Variants in GUCY1A2 observed in about 807,000 individuals in gnomAD.
GUCY1A2 encodes the protein guanylate cyclase 1 soluble subunit alpha 2, also known as guanylate cyclase soluble subunit alpha-2.
Under a neutral mutation model 63.5 loss-of-function variants are expected in GUCY1A2, and 27 were observed. The observed-to-expected ratio is 0.43, with a 90% CI of 0.31 to 0.59. GUCY1A2 has a LOEUF of 0.59. GUCY1A2 is among the 20% of genes least tolerant of loss of function. GUCY1A2 has a pLI of 0.11. For synonymous variants in GUCY1A2, 364 were observed against 343.5 expected (o/e 1.06, Z -0.66); for missense variants, 768 against 913.3 (o/e 0.84, Z 2.05).
chr11:106,913,940 T>C (rs1345252099), intron 4 of GUCY1A2, among the ~76,000 whole-genome samples: 2 of 135,744 alleles, frequency 1.5e-5, no homozygotes, highest in East Asian at 4.3e-4. Context: ...ACTGAAAGAG[T>C]GCTAATGTTT....
chr11:106,993,873 A>T (rs958458150), intron 1 of GUCY1A2, among the ~76,000 whole-genome samples: 1 of 152,228 alleles, frequency 6.6e-6, no homozygotes, highest in Non-Finnish European at 1.5e-5. Context: ...TAGGAATACC[A>T]TTTCAAGTGA....
intron 1 of GUCY1A2, among the ~76,000 whole-genome samples, chr11:107,004,722 A>C (rs562490048): frequency 6.6e-6 from 1 of 152,208 alleles, no homozygotes; most frequent in Non-Finnish European, 1.5e-5. Context: ...TGTGAAACAG[A>C]ATGGTTGGTG....
At chr11:107,002,090 T>A (rs905899802) in intron 1 of GUCY1A2, among the ~76,000 whole-genome samples, 2 of 151,592 alleles carry the variant, frequency 1.3e-5, no homozygotes, top group Non-Finnish European at 2.9e-5. Flanking sequence ...TTGCAGTACA[T>A]AAAATAGATA....
intron 6 of GUCY1A2, among the ~76,000 whole-genome samples, chr11:106,735,866 T>C (rs1444765074): frequency 6.6e-6 from 1 of 152,210 alleles, no homozygotes; most frequent in Non-Finnish European, 1.5e-5. Context: ...TTGTTTTGCA[T>C]TTCTCTGATG....
At chr11:107,007,604 A>G (rs759110424) in intron 1 of GUCY1A2, among the ~76,000 whole-genome samples, 3 of 151,952 alleles carry the variant, frequency 2.0e-5, no homozygotes, top group Non-Finnish European at 4.4e-5. Flanking sequence ...ATTATCTCCA[A>G]CCTCAAGTGG....
At chr11:106,854,370 T>C (rs576215005) in intron 4 of GUCY1A2, among the ~76,000 whole-genome samples, 15 of 152,066 alleles carry the variant, frequency 9.9e-5, no homozygotes, top group Non-Finnish European at 1.5e-5. Flanking sequence ...TCTGGGGGCC[T>C]GGGAAGTGCA....
At chr11:106,895,072 TCA>T (rs1860028018) in intron 4 of GUCY1A2, among the ~76,000 whole-genome samples, 1 of 152,062 alleles carries the variant, frequency 6.6e-6, no homozygotes, top group Non-Finnish European at 1.5e-5. Flanking sequence ...CAAGGAGACA[TCA>T]CTATGCATTC....
Position 106,789,957 on chromosome 11 carries a change from G to A in GUCY1A2, c.1693-13375C>T, listed in dbSNP as rs7121500. Among the ~76,000 whole-genome samples the A allele has an allele frequency of 7.8e-3, 1,183 of 152,232 alleles. 14 individuals carry two copies. Among genetic ancestry groups the A allele is most frequent in the African/African-American group, 0.027 (1,102 of 41,530 alleles). ...AGGACAGTGCTGGGTCAGACCTAAAGCCAGTACAACACTGGGTCTTGCTCA... is the reference window on the plus strand; with the variant it reads ...AGGACAGTGCTGGGTCAGACCTAAAACCAGTACAACACTGGGTCTTGCTCA... On this transcript the variant is annotated intron_variant, in intron 5 of 7. Coordinates refer to ENST00000526355, the MANE Select transcript of GUCY1A2 (RefSeq NM_000855.3).
At chr11:106,718,828 A>G (rs1221022393) in intron 6 of GUCY1A2, among the ~76,000 whole-genome samples, 1 of 152,260 alleles carries the variant, frequency 6.6e-6, no homozygotes, top group East Asian at 1.9e-4. Context: ...GACCACTATA[A>G]TGAAGAGTAA....
rs749486798 is a variant in GUCY1A2 at position 106,680,205 on chromosome 11, G to A, written c.*7344C>T. ...TAAATGCCAGGCAGCAGAATGCAAAGAAGTGTCTTCAGAAAGTGAGGTATG... is the reference window on the plus strand; with the variant it reads ...TAAATGCCAGGCAGCAGAATGCAAAAAAGTGTCTTCAGAAAGTGAGGTATG... On this transcript the variant is annotated 3_prime_UTR_variant, in exon 8 of 8. Coordinates refer to ENST00000526355, the MANE Select transcript of GUCY1A2 (RefSeq NM_000855.3). 9 of 213,312 alleles carry A rather than the reference G, an allele frequency of 4.2e-5. No individual in the cohort carries two copies. The highest frequency in any genetic ancestry group is 8.5e-5 in the Non-Finnish European group (9 of 105,576). 13.2% of individuals were successfully genotyped at this position (213,312 alleles called of 1,614,324 possible). A position where few individuals can be genotyped will look rare whatever the true frequency, so the allele number is the denominator to read the frequency against.
Position 106,800,905 on chromosome 11 carries a change from T to C in GUCY1A2, c.1692+9088A>G, listed in dbSNP as rs1298639307. Among the ~76,000 whole-genome samples the C allele has an allele frequency of 2.0e-5, 3 of 151,550 alleles. 1 individual carries two copies. In the East Asian group the frequency reaches 5.8e-4, roughly 29 times the overall value. On this transcript the variant is annotated intron_variant, in intron 5 of 7. Transcript: ENST00000526355. ...AGTATAAAAAAAAAAAAGAATCTCA[T>C]AGAATCAGGGGACCTACTGAAAGTT... is the stretch of plus-strand genomic sequence containing the variant.
chr11:106,961,075 T>C (rs145806405), intron 3 of GUCY1A2, among the ~76,000 whole-genome samples: 1 of 152,102 alleles, frequency 6.6e-6, no homozygotes, highest in Admixed American at 6.5e-5. Context: ...GCTCATTTTT[T>C]ATAATGCACC....
At chr11:106,850,565 GT>G (rs1052466219) in intron 4 of GUCY1A2, among the ~76,000 whole-genome samples, 18 of 151,592 alleles carry the variant, frequency 1.2e-4, no homozygotes, top group African/African-American at 4.1e-4. Flanking sequence ...AGCTCAAAAT[GT>G]TTTTTTGGCA....
intron 6 of GUCY1A2, among the ~76,000 whole-genome samples, chr11:106,760,797 G>T (rs543641305): frequency 5.3e-5 from 8 of 152,114 alleles, no homozygotes; most frequent in African/African-American, 1.9e-4. Flanking sequence ...AATACTAAAG[G>T]TTAAAAGGAG....
At chr11:106,817,415 G>A (rs1028278607) in intron 4 of GUCY1A2, among the ~76,000 whole-genome samples, 9 of 146,868 alleles carry the variant, frequency 6.1e-5, no homozygotes, top group African/African-American at 1.7e-4. Context: ...AGAAAACATA[G>A]AGGAAAAGCT....
chr11:106,964,480 A>T lies in GUCY1A2; in HGVS notation c.487+14139T>A, dbSNP rs575238951. ...AAGTCAAAGAGAAAGACATGTAAAC[A>T]ATTAGGAAGCACATCATGAAGTGTG... On this transcript the variant is annotated intron_variant, in intron 3 of 7. Coordinates refer to ENST00000526355, the MANE Select transcript of GUCY1A2 (RefSeq NM_000855.3). Among the ~76,000 whole-genome samples the T allele has an allele frequency of 3.0e-4, 45 of 152,318 alleles. 3 individuals are homozygous for T. The South Asian group carries it at 9.3e-3, about 32-fold the overall frequency.
rs576075846 is a variant in GUCY1A2, at chr11:106,686,788, A to G, written c.*761T>C. The G allele has an allele frequency of 1.5e-5, 3 of 199,294 alleles. No homozygotes were observed. Among genetic ancestry groups the G allele is most frequent in the East Asian group, 1.6e-4 (2 of 12,832 alleles). 12.3% of individuals were successfully genotyped at this position (199,294 alleles called of 1,614,324 possible). A position where few individuals can be genotyped will look rare whatever the true frequency, so the allele number is the denominator to read the frequency against. On this transcript the variant is annotated 3_prime_UTR_variant, in exon 8 of 8. Transcript: ENST00000526355. ...CCATTTCCTCTGGATTCCATGCTAC[A>G]TTAGTTAAATCTAAAAGATATATTT...
intron 4 of GUCY1A2, among the ~76,000 whole-genome samples, chr11:106,920,025 AT>A (rs1860421508): frequency 1.3e-5 from 2 of 150,418 alleles, no homozygotes; most frequent in African/African-American, 4.8e-5. Context: ...TCATTGGGCA[AT>A]AGATAAACTA....
intron 4 of GUCY1A2, among the ~76,000 whole-genome samples, chr11:106,833,003 A>ATC (rs1337566512): frequency 6.6e-6 from 1 of 152,020 alleles, no homozygotes; most frequent in Non-Finnish European, 1.5e-5. Context: ...TGCCATATGT[A>ATC]TTGGAGGCTA....
Sources: allele counts gnomAD v4.1 joint callset (sites outside exome capture counted in the v4.1 genomes callset), GRCh38; gene constraint gnomAD v4.1.1; transcripts MANE v1.5; gene names NCBI Gene and HGNC (gene_info 2026-07-23, HGNC 2026-07-21).